Variants in VPS45 observed in about 807,000 individuals in gnomAD.
VPS45 encodes the protein vacuolar protein sorting 45 homolog.
Under a neutral mutation model 75.9 loss-of-function variants are expected in VPS45, and 35 were observed. The ratio of observed to expected loss-of-function variants is 0.46; its 90% CI spans 0.35 to 0.61. VPS45 has a LOEUF of 0.61. Among genes scored for constraint, VPS45 ranks in the 20% least tolerant of loss-of-function variants. The pLI, the probability that VPS45 is intolerant of heterozygous loss-of-function variation, is 0.00. For missense variants in VPS45, 559 were observed against 685.9 expected (o/e 0.81, Z 2.07); for synonymous variants, 220 against 238.2 (o/e 0.92, Z 0.70).
At chr1:150,103,714 C>T (rs587635103) in intron 13 of VPS45, among the ~76,000 whole-genome samples, 2 of 152,286 alleles carry the variant, frequency 1.3e-5, no homozygotes, top group South Asian at 4.1e-4. Context: ...CCATAAGAGA[C>T]AGATATATTG....
intron 10 of VPS45, 73 bp downstream of exon 10, chr1:150,082,956 G>A (rs1655799963): frequency 1.4e-6 from 2 of 1,416,376 alleles, no homozygotes; most frequent in African/African-American, 1.5e-5. Context: ...AAAAAGGCAA[G>A]TAATCCTTCT....
chr1:150,114,941 T>G (rs890707986), intron 14 of VPS45, among the ~76,000 whole-genome samples: 2 of 151,914 alleles, frequency 1.3e-5, no homozygotes, highest in Non-Finnish European at 2.9e-5. Flanking sequence ...TTTTCAGCTA[T>G]TGTTCATTTT....
chr1:150,068,866 G>T (rs74127405), intron 2 of VPS45, 102 bp downstream of exon 2: 1 of 1,236,392 alleles, frequency 8.1e-7, no homozygotes, highest in South Asian at 1.9e-5. Context: ...ATAATTTGTG[G>T]CATCATAATT....
At chr1:150,076,480 A>G (rs1464768212) in intron 4 of VPS45, 168 bp downstream of exon 4, 2 of 516,528 alleles carry the variant, frequency 3.9e-6, no homozygotes, top group African/African-American at 4.0e-5. Context: ...CAGCAAATAA[A>G]CTAGTTTTGA....
chr1:150,085,701 G>A (rs1251861283), intron 10 of VPS45, among the ~76,000 whole-genome samples: 1 of 152,064 alleles, frequency 6.6e-6, no homozygotes, highest in Non-Finnish European at 1.5e-5. Context: ...TGTGAGTAGA[G>A]ATGGGGTTTG....
At chr1:150,080,983 G>T (rs1283079742) in intron 7 of VPS45, among the ~76,000 whole-genome samples, 1 of 152,158 alleles carries the variant, frequency 6.6e-6, no homozygotes, top group Non-Finnish European at 1.5e-5. Flanking sequence ...GGTACAGCTT[G>T]TAACTGCAGT....
chr1:150,076,926 G>A lies in VPS45; in HGVS notation c.380G>A (p.Gly127Asp), dbSNP rs1553798216. The change falls in exon 5 of 15, where the codon GGT becomes GAT. Residue 127 changes from glycine (G) to aspartate (D), a missense_variant. Transcript: ENST00000644510. Reference protein sequence around the residue: ...EVVAEVQEFYGDYIAVNPHLF... With the variant: ...EVVAEVQEFYDDYIAVNPHLF... Reference sequence around the variant, plus strand: ...GTGCTTTATTTGCAGGAATTTTATGGTGATTACATTGCTGTGAACCCACAT... The same window carrying A: ...GTGCTTTATTTGCAGGAATTTTATGATGATTACATTGCTGTGAACCCACAT... The A allele has an allele frequency of 1.2e-6, 2 of 1,613,896 alleles. No homozygotes were observed. The highest frequency in any genetic ancestry group is 1.6e-4 in the Middle Eastern group (1 of 6,082).
At chr1:150,069,496 G>C (rs1183970304) in intron 2 of VPS45, among the ~76,000 whole-genome samples, 1 of 116,836 alleles carries the variant, frequency 8.6e-6, no homozygotes, top group Admixed American at 1.2e-4. Context: ...TCGCTCTGTC[G>C]CCCAGGCTGG....
At chr1:150,143,473 A>G (rs1659504177) in intron 14 of VPS45, among the ~76,000 whole-genome samples, 1 of 151,858 alleles carries the variant, frequency 6.6e-6, no homozygotes, top group Non-Finnish European at 1.5e-5. Context: ...CTGTAATCCC[A>G]CCTAATCGGG....
Position 150,127,043 on chromosome 1 carries a change from T to C in VPS45, c.1625+16416T>C, listed in dbSNP as rs1276005685. 2.0e-5 allele frequency among the ~76,000 whole-genome samples: 3 copies of C among 152,232 alleles called. No homozygotes were observed. In the East Asian group the frequency reaches 5.8e-4, roughly 29 times the overall value. On this transcript the variant is annotated intron_variant, in intron 14 of 14. Coordinates refer to ENST00000644510, the MANE Select transcript of VPS45 (RefSeq NM_007259.5). ...ACACACTTTGAGGAAAACTGGGCTA[T>C]TACAATTCCTAAAGCAACGGGTATG...
At chr1:150,083,962 A>G (rs927458836) in intron 10 of VPS45, among the ~76,000 whole-genome samples, 2 of 152,122 alleles carry the variant, frequency 1.3e-5, no homozygotes, top group Non-Finnish European at 2.9e-5. Context: ...AAAATTAGAT[A>G]ATGTTTCAAG....
chr1:150,135,240 A>G (rs1659012733), intron 14 of VPS45, among the ~76,000 whole-genome samples: 1 of 152,066 alleles, frequency 6.6e-6, no homozygotes, highest in Non-Finnish European at 1.5e-5. Context: ...ATATAAAATT[A>G]TTATGCATTT....
intron 14 of VPS45, among the ~76,000 whole-genome samples, chr1:150,140,083 AG>A (rs1382506648): frequency 2.0e-5 from 3 of 151,946 alleles, no homozygotes; most frequent in African/African-American, 7.3e-5. Context: ...TAGTAGAGAC[AG>A]GGTTTCACCA....
chr1:150,081,624 C>G, intron 8 of VPS45, 148 bp downstream of exon 8: 2 of 1,005,620 alleles, frequency 2.0e-6, no homozygotes, highest in Non-Finnish European at 2.9e-6. Context: ...GAAGGGAAGG[C>G]AGAAGACTTG....
intron 10 of VPS45, among the ~76,000 whole-genome samples, chr1:150,091,037 T>G (rs1553801828): frequency 6.6e-6 from 1 of 152,230 alleles, no homozygotes; most frequent in Non-Finnish European, 1.5e-5. Context: ...CTGGAAAAAT[T>G]ACATGTGAAC....
chr1:150,125,550 A>G (rs1658466159), intron 14 of VPS45, among the ~76,000 whole-genome samples: 1 of 149,642 alleles, frequency 6.7e-6, no homozygotes, highest in Non-Finnish European at 1.5e-5. Context: ...TATCGCAAGG[A>G]CAAAAAACCA....
chr1:150,125,781 CAGGTTCA>C (rs1553810611), intron 14 of VPS45, among the ~76,000 whole-genome samples: 1 of 152,022 alleles, frequency 6.6e-6, no homozygotes, highest in Non-Finnish European at 1.5e-5. Context: ...CTCCACCACC[CAGGTTCA>C]AGGAATTCTC....
rs1213080596 is a variant in VPS45, at chr1:150,114,628, G to T, written c.1625+4001G>T. ...AGCTGGGCATGGACTAGGCATGGTG[G>T]CTCACACCTGTAATCCCAGCACTTT... On this transcript the variant is annotated intron_variant, in intron 14 of 14. Coordinates refer to ENST00000644510, the MANE Select transcript of VPS45 (RefSeq NM_007259.5). 4.0e-5 allele frequency among the ~76,000 whole-genome samples: 6 copies of T among 151,042 alleles called. No homozygotes were observed. The East Asian group carries it at 1.2e-3, about 29-fold the overall frequency.
intron 13 of VPS45, among the ~76,000 whole-genome samples, chr1:150,095,869 A>G (rs1656618270): frequency 6.6e-6 from 1 of 152,188 alleles, no homozygotes; most frequent in African/African-American, 2.4e-5. Context: ...TGAAGAGTTA[A>G]GCATATGAGT....
Sources: allele counts gnomAD v4.1 joint callset (sites outside exome capture counted in the v4.1 genomes callset), GRCh38; gene constraint gnomAD v4.1.1; transcripts MANE v1.5; gene names NCBI Gene and HGNC (gene_info 2026-07-23, HGNC 2026-07-21).